AGBL4: variants seen among roughly 807,000 people sequenced by gnomAD.
The protein encoded by AGBL4 is AGBL carboxypeptidase 4.
A neutral mutation model predicts 66.4 loss-of-function variants in AGBL4; 58 were observed. The observed-to-expected ratio is 0.87, with a 90% CI of 0.71 to 1.09. The LOEUF (loss-of-function observed/expected upper bound fraction) is 1.09. Among genes scored for constraint, AGBL4 ranks in the 50% least tolerant of loss-of-function variants. The pLI is 0.00. For synonymous variants in AGBL4, 234 were observed against 222.9 expected, an observed-to-expected ratio of 1.05 and a Z score of -0.44; for missense variants, 579 against 631.0, an observed-to-expected ratio of 0.92 and a Z score of 0.88.
intron 2 of AGBL4, among the ~76,000 whole-genome samples, chr1:49,757,242 C>A (rs1651955337): frequency 6.6e-6 from 1 of 152,176 alleles, no homozygotes. Flanking sequence ...TGAGGCTTCC[C>A]AGCCATGCAA....
chr1:48,877,512 TTATTTATAA>T (rs1314139895), intron 5 of AGBL4, among the ~76,000 whole-genome samples: 1 of 152,108 alleles, frequency 6.6e-6, no homozygotes, highest in Non-Finnish European at 1.5e-5. Context: ...ACATATTTGA[TTATTTATAA>T]TATACTAATT....
chr1:48,618,779 T>G (rs1645361192), intron 9 of AGBL4, among the ~76,000 whole-genome samples: 1 of 152,140 alleles, frequency 6.6e-6, no homozygotes, highest in Admixed American at 6.5e-5. Flanking sequence ...ATGCTCAATC[T>G]TTGGAGTTCA....
At chr1:49,309,735 G>T (rs567402367) in intron 3 of AGBL4, among the ~76,000 whole-genome samples, 2 of 151,730 alleles carry the variant, frequency 1.3e-5, no homozygotes, top group African/African-American at 4.8e-5. Flanking sequence ...AAGATGAAAG[G>T]GTTGTATTAG....
chr1:48,743,008 G>T (rs1040323975), intron 6 of AGBL4, among the ~76,000 whole-genome samples: 1 of 152,166 alleles, frequency 6.6e-6, no homozygotes, highest in Non-Finnish European at 1.5e-5. Context: ...TGAATGAAGA[G>T]CACTCTTCCA....
intron 3 of AGBL4, among the ~76,000 whole-genome samples, chr1:49,359,095 C>A (rs952703471): frequency 6.6e-6 from 1 of 152,122 alleles, no homozygotes; most frequent in Non-Finnish European, 1.5e-5. Flanking sequence ...ACAAATTGGA[C>A]CCTTTGGTCT....
At chr1:48,914,049 G>A (rs1653378572) in intron 5 of AGBL4, among the ~76,000 whole-genome samples, 1 of 152,152 alleles carries the variant, frequency 6.6e-6, no homozygotes, top group African/African-American at 2.4e-5. Context: ...AAACAAAGTA[G>A]CAAAGCACAG....
At chr1:48,669,352 A>G (rs1279865372) in intron 6 of AGBL4, among the ~76,000 whole-genome samples, 1 of 152,196 alleles carries the variant, frequency 6.6e-6, no homozygotes, top group Non-Finnish European at 1.5e-5. Context: ...TCAACCCTAC[A>G]GGTATGTTGA....
chr1:49,341,364 G>A (rs1256135568), intron 3 of AGBL4, among the ~76,000 whole-genome samples: 1 of 152,140 alleles, frequency 6.6e-6, no homozygotes, highest in Non-Finnish European at 1.5e-5. Context: ...TTTATCGCAG[G>A]TGAAAAGATA....
intron 3 of AGBL4, among the ~76,000 whole-genome samples, chr1:49,419,264 G>T (rs1428263566): frequency 6.6e-6 from 1 of 152,154 alleles, no homozygotes; most frequent in East Asian, 1.9e-4. Context: ...TAGTTGGCAA[G>T]TCAAATGTAA....
chr1:48,989,521 C>A (rs1471459826), intron 5 of AGBL4, among the ~76,000 whole-genome samples: 1 of 151,960 alleles, frequency 6.6e-6, no homozygotes, highest in Admixed American at 6.6e-5. Flanking sequence ...ATCCTCCCAC[C>A]CACCAACTAT....
chr1:49,537,487 G>A lies in AGBL4; in HGVS notation c.282+159826C>T, dbSNP rs2148820352. Among the ~76,000 whole-genome samples the A allele has an allele frequency of 1.3e-5, 2 of 152,236 alleles. 1 individual carries two copies. Among genetic ancestry groups the A allele is most frequent in the South Asian group, 4.2e-4 (2 of 4,818 alleles). On this transcript the variant is annotated intron_variant, in intron 3 of 13. Transcript: ENST00000371839. ...TAATTCCATTAAAAAGTGGGAAAGG[G>A]ACACGAATATTTTATGCCTTTCAAA...
chr1:48,640,965 G>A (rs1015332367), intron 8 of AGBL4, among the ~76,000 whole-genome samples: 1 of 152,012 alleles, frequency 6.6e-6, no homozygotes, highest in Non-Finnish European at 1.5e-5. Flanking sequence ...CTCCTCTGAA[G>A]AAGGATAGAG....
In AGBL4 at chr1:49,170,449, T is replaced by C. The variant is rs1016474513; in HGVS notation, c.377+75321A>G. ...TTATATATAAATAAATATATATGTT[T>C]ATATAATATATAAATTTATTTTATA... On this transcript the variant is annotated intron_variant, in intron 4 of 13. Transcript: ENST00000371839. Among the ~76,000 whole-genome samples the C allele has an allele frequency of 3.5e-5, 5 of 142,990 alleles. No homozygotes were observed. In the Admixed American group the frequency reaches 3.6e-4, roughly 10 times the overall value. The allele number at this position is 142,990 out of a possible 152,430, so 93.8% of individuals were successfully genotyped here.
chr1:48,955,149 G>C (rs1657328845), intron 5 of AGBL4, among the ~76,000 whole-genome samples: 1 of 152,130 alleles, frequency 6.6e-6, no homozygotes, highest in South Asian at 2.1e-4. Context: ...AAGCTTCTCA[G>C]AGCTATGGGA....
chr1:48,743,133 G>GT (rs1650187627), intron 6 of AGBL4, among the ~76,000 whole-genome samples: 1 of 152,194 alleles, frequency 6.6e-6, no homozygotes, highest in Admixed American at 6.5e-5. Context: ...TGCAAATCGT[G>GT]TATTTGCCAA....
At chr1:49,953,680 C>T (rs556082464) in intron 1 of AGBL4, among the ~76,000 whole-genome samples, 2 of 151,322 alleles carry the variant, frequency 1.3e-5, no homozygotes, top group South Asian at 4.2e-4. Context: ...TAGGGATGCT[C>T]AACTGGTATA....
At chr1:48,911,040 A>C (rs890717107) in intron 5 of AGBL4, among the ~76,000 whole-genome samples, 2 of 152,124 alleles carry the variant, frequency 1.3e-5, no homozygotes, top group Non-Finnish European at 2.9e-5. Flanking sequence ...TTTTTTGATC[A>C]GTTTTGTGTG....
At chr1:49,302,106 CCT>C (rs1557821098) in intron 3 of AGBL4, among the ~76,000 whole-genome samples, 1 of 151,982 alleles carries the variant, frequency 6.6e-6, no homozygotes. Flanking sequence ...CTCCCCCAAC[CCT>C]TTTTTGGATT....
chr1:48,550,738 G>A (rs1644237147), intron 11 of AGBL4, among the ~76,000 whole-genome samples: 1 of 152,088 alleles, frequency 6.6e-6, no homozygotes, highest in South Asian at 2.1e-4. Context: ...ATCAGGGGTG[G>A]AGTTCTGGCT....
Sources: gnomAD v4.1 joint callset for allele counts (sites outside exome capture counted in the v4.1 genomes callset) on GRCh38, gnomAD v4.1.1 for gene constraint, MANE v1.5 for transcripts, NCBI Gene and HGNC (gene_info 2026-07-23, HGNC 2026-07-21) for gene names.